Variants in ST7L observed in about 807,000 individuals in gnomAD.
ST7L encodes the protein suppressor of tumorigenicity 7 protein-like.
Under a neutral mutation model 72.5 loss-of-function variants are expected in ST7L, and 57 were observed. That is an observed-to-expected ratio of 0.79 (90% CI 0.64 to 0.98). ST7L has a LOEUF of 0.98. Ranked by LOEUF, ST7L falls within the 50% of genes least tolerant of loss-of-function variation. ST7L has a pLI of 0.00. For synonymous variants in ST7L, 221 were observed against 240.9 expected (o/e 0.92, Z 0.77); for missense variants, 576 against 672.2 (o/e 0.86, Z 1.58).
At chr1:112,567,108 T>G (rs1661181661) in intron 11 of ST7L, among the ~76,000 whole-genome samples, 2 of 152,244 alleles carry the variant, frequency 1.3e-5, no homozygotes. Flanking sequence ...ACATTCTTAT[T>G]GACATTTTAT....
chr1:112,529,077 T>C (rs928353259), intron 14 of ST7L: 6 of 152,216 alleles, frequency 3.9e-5, no homozygotes, highest in African/African-American at 1.2e-4. Flanking sequence ...AGGGCAATCT[T>C]ATTCTTCCAA....
chr1:112,582,241 A>T, intron 8 of ST7L, 134 bp downstream of exon 8: 1 of 872,508 alleles, frequency 1.1e-6, no homozygotes, highest in Non-Finnish European at 1.8e-6. Context: ...AAAGGTACGT[A>T]TATTAAATAA....
chr1:112,541,524 G>A (rs3790612), intron 14 of ST7L, among the ~76,000 whole-genome samples: 33,216 of 151,932 alleles, frequency 0.22, 3,836 homozygotes, highest in Middle Eastern at 0.26. Flanking sequence ...CTGTTCCCCC[G>A]CCTTATGTAC....
chr1:112,559,731 A>G (rs1659788075), intron 11 of ST7L, among the ~76,000 whole-genome samples: 4 of 152,040 alleles, frequency 2.6e-5, no homozygotes, highest in Admixed American at 2.6e-4. Context: ...CTGTAATCCC[A>G]GTACTTTGAG....
chr1:112,559,165 G>T (rs1404755540), intron 11 of ST7L, among the ~76,000 whole-genome samples: 1 of 152,162 alleles, frequency 6.6e-6, no homozygotes, highest in Non-Finnish European at 1.5e-5. Context: ...TTTAGCAAAT[G>T]TAAGCAAAGA....
At chr1:112,560,846 C>T (rs929737484) in intron 11 of ST7L, among the ~76,000 whole-genome samples, 3 of 151,872 alleles carry the variant, frequency 2.0e-5, no homozygotes, top group African/African-American at 4.8e-5. Flanking sequence ...GCCTGTAATC[C>T]CAGCTACTTG....
intron 2 of ST7L, 49 bp from the exon 3 acceptor site, chr1:112,611,052 A>G: frequency 1.3e-6 from 2 of 1,572,104 alleles, no homozygotes; most frequent in Non-Finnish European, 1.7e-6. Flanking sequence ...CAGCAGATAC[A>G]TGAGCTCAAA....
intron 11 of ST7L, among the ~76,000 whole-genome samples, chr1:112,573,866 C>G (rs1402781926): frequency 3.3e-5 from 5 of 149,900 alleles, no homozygotes; most frequent in Non-Finnish European, 4.4e-5. Context: ...TGCACTCCAG[C>G]CTGGGCATGA....
At chr1:112,567,870 A>T (rs1431474567) in intron 11 of ST7L, among the ~76,000 whole-genome samples, 1 of 152,182 alleles carries the variant, frequency 6.6e-6, no homozygotes, top group Non-Finnish European at 1.5e-5. Flanking sequence ...ATTTAGAAGA[A>T]TTCAGCTATA....
intron 11 of ST7L, among the ~76,000 whole-genome samples, chr1:112,569,870 A>T (rs1661756373): frequency 6.6e-6 from 1 of 150,594 alleles, no homozygotes; most frequent in Non-Finnish European, 1.5e-5. Context: ...AGGCAAGAAA[A>T]TCGCTTGAAA....
At chr1:112,556,975 A>C (rs1557974055) in intron 11 of ST7L, among the ~76,000 whole-genome samples, 3 of 135,788 alleles carry the variant, frequency 2.2e-5, no homozygotes, top group South Asian at 2.1e-4. Flanking sequence ...TCAAAAAAAA[A>C]AAAAAAAAAC....
At chr1:112,612,960 A>G (rs1018044677) in intron 2 of ST7L, among the ~76,000 whole-genome samples, 1 of 151,966 alleles carries the variant, frequency 6.6e-6, no homozygotes, top group South Asian at 2.1e-4. Flanking sequence ...TCTACAAAAC[A>G]TAAAAAAAAT....
chr1:112,537,612 T>C (rs1655424137), intron 14 of ST7L, among the ~76,000 whole-genome samples: 1 of 152,244 alleles, frequency 6.6e-6, no homozygotes, highest in South Asian at 2.1e-4. Flanking sequence ...CTTTGAACTC[T>C]CATATTTAAT....
At chr1:112,538,283 G>C (rs1655523121) in intron 14 of ST7L, among the ~76,000 whole-genome samples, 1 of 152,184 alleles carries the variant, frequency 6.6e-6, no homozygotes, top group South Asian at 2.1e-4. Flanking sequence ...CCAGTGCCTA[G>C]AACCTGAAAC....
chr1:112,613,248 A>C (rs372401924), intron 2 of ST7L, among the ~76,000 whole-genome samples: 2 of 152,226 alleles, frequency 1.3e-5, no homozygotes, highest in South Asian at 4.1e-4. Flanking sequence ...TTTTGAGTCA[A>C]CTTTTTAACA....
chr1:112,604,301 T>C (rs538358413), intron 3 of ST7L, among the ~76,000 whole-genome samples: 1 of 152,208 alleles, frequency 6.6e-6, no homozygotes, highest in South Asian at 2.1e-4. Context: ...AGAGCGAGAC[T>C]TCATCACAAA....
intron 10 of ST7L, among the ~76,000 whole-genome samples, chr1:112,577,404 T>C (rs1439115921): frequency 1.3e-5 from 2 of 150,850 alleles, no homozygotes; most frequent in Non-Finnish European, 3.0e-5. Context: ...GGTGTGTGCC[T>C]GTAGTCCCAG....
downstream of ST7L, chr1:112,521,311 C>CTTTTTTTTTTT (rs5777124): frequency 6.1e-4 from 75 of 122,052 alleles, no homozygotes; most frequent in African/African-American, 1.3e-3. Flanking sequence ...CTTGTGTTGC[C>CTTTTTTTTTTT]TTTTTTTTTT....
chr1:112,583,361 A>T (rs528361378), intron 7 of ST7L, among the ~76,000 whole-genome samples: 85 of 151,698 alleles, frequency 5.6e-4, no homozygotes, highest in African/African-American at 2.0e-3. Flanking sequence ...CATCTTTGGT[A>T]AAAAAAAATC....
Sources: gnomAD v4.1 joint callset for allele counts (sites outside exome capture counted in the v4.1 genomes callset) on GRCh38, gnomAD v4.1.1 for gene constraint, MANE v1.5 for transcripts, NCBI Gene and HGNC (gene_info 2026-07-23, HGNC 2026-07-21) for gene names.